The following KDM7A variants were observed in gnomAD, a reference collection of about 807,000 sequenced individuals.
The protein encoded by KDM7A is lysine-specific demethylase 7A.
A neutral mutation model predicts 114.8 loss-of-function variants in KDM7A; 28 were observed. The observed-to-expected ratio is 0.24, with a 90% confidence interval of 0.18 to 0.33. KDM7A has a LOEUF of 0.33. Among genes scored for constraint, KDM7A ranks in the 10% least tolerant of loss-of-function variants. KDM7A has a pLI of 1.00. For missense variants in KDM7A, 942 were observed against 1,142.5 expected, an observed-to-expected ratio of 0.82 and a Z score of 2.53; for synonymous variants, 423 against 397.8, an observed-to-expected ratio of 1.06 and a Z score of -0.75.
At chr7:140,127,417 A>C in intron 5 of KDM7A, 25 bp downstream of exon 5, 1 of 1,598,126 alleles carries the variant, frequency 6.3e-7, no homozygotes, top group Non-Finnish European at 8.5e-7. Context: ...CAGAATGCTA[A>C]ACCAAAATAC....
intron 14 of KDM7A, 123 bp from the exon 15 acceptor site, chr7:140,097,765 C>T (rs1441682866): frequency 1.1e-5 from 6 of 569,432 alleles, no homozygotes; most frequent in African/African-American, 3.8e-5. Flanking sequence ...GCTCTACCCT[C>T]CTTTTTCACT....
At chr7:140,144,749 A>G (rs1324467071) in intron 1 of KDM7A, among the ~76,000 whole-genome samples, 1 of 151,588 alleles carries the variant, frequency 6.6e-6, no homozygotes, top group Non-Finnish European at 1.5e-5. Flanking sequence ...CCTCATGCTG[A>G]AACGTAATCC....
At chr7:140,104,833 G>A (rs1245119460) in intron 11 of KDM7A, among the ~76,000 whole-genome samples, 1 of 152,182 alleles carries the variant, frequency 6.6e-6, no homozygotes, top group Non-Finnish European at 1.5e-5. Flanking sequence ...TGTGAAGAAA[G>A]TCATTGGTAG....
At chr7:140,129,931 G>A (rs1438054189) in intron 3 of KDM7A, among the ~76,000 whole-genome samples, 3 of 152,136 alleles carry the variant, frequency 2.0e-5, no homozygotes, top group Non-Finnish European at 4.4e-5. Context: ...CCAGTTTATA[G>A]TAAAATATGT....
At chr7:140,152,457 C>G (rs531005517) in intron 1 of KDM7A, among the ~76,000 whole-genome samples, 1 of 151,942 alleles carries the variant, frequency 6.6e-6, no homozygotes, top group Non-Finnish European at 1.5e-5. Flanking sequence ...AAACCCAACT[C>G]TACTAAAAAT....
At chr7:140,116,754 T>C (rs932607285) in intron 9 of KDM7A, among the ~76,000 whole-genome samples, 6 of 152,160 alleles carry the variant, frequency 3.9e-5, no homozygotes, top group Non-Finnish European at 8.8e-5. Flanking sequence ...TTTAATCAAA[T>C]TGTGATAATC....
intron 1 of KDM7A, among the ~76,000 whole-genome samples, chr7:140,161,350 CCT>C (rs934940358): frequency 7.2e-5 from 11 of 152,156 alleles, no homozygotes; most frequent in African/African-American, 7.2e-5. Context: ...CCAGAAAGCC[CCT>C]GTTTCAAGGA....
Position 140,101,928 on chromosome 7 carries a change from T to A in KDM7A, c.1638+23A>T. On this transcript the variant is annotated intron_variant, in intron 12 of 19. Transcript: ENST00000397560. ...TAAGGAACAGCCAAGTTTCTTTTTG[T>A]TGTCATGAAACATAATACTTGCCTC... 3 of 1,519,036 alleles carry A rather than the reference T, an allele frequency of 2.0e-6. No homozygotes were observed. In the South Asian group the frequency reaches 3.4e-5, roughly 17 times the overall value. 94.1% of individuals were successfully genotyped at this position (1,519,036 alleles called of 1,614,324 possible). A position where few individuals can be genotyped will look rare whatever the true frequency, so the allele number is the denominator to read the frequency against.
At chr7:140,142,351 G>A (rs1178389380) in intron 1 of KDM7A, among the ~76,000 whole-genome samples, 1 of 150,448 alleles carries the variant, frequency 6.6e-6, no homozygotes. Context: ...CAGAGTAGCA[G>A]AAGACATTAC....
Position 140,096,578 on chromosome 7 carries a change from C to A in KDM7A, c.2351G>T (p.Arg784Leu). 3 of 1,613,968 alleles carry A rather than the reference C, an allele frequency of 1.9e-6. No individual in the cohort carries two copies. The highest frequency in any genetic ancestry group is 2.5e-6 in the Non-Finnish European group (3 of 1,179,854). Residue 784 changes from arginine to leucine, a missense_variant, in exon 17 of 20, where the codon CGC (arginine) becomes CTC (leucine). Transcript: ENST00000397560. ...GSNHEVRQLY[R>L]YDKPVECGYH... is the part of the protein sequence containing the mutation. ...ACCACATTCCACTGGTTTATCATAG[C>A]GATACAACTGCCTAACCTCATGGTT...
intron 9 of KDM7A, among the ~76,000 whole-genome samples, chr7:140,114,899 C>T (rs1818495238): frequency 6.7e-6 from 1 of 149,810 alleles, no homozygotes; most frequent in Non-Finnish European, 1.5e-5. Flanking sequence ...GCCCGGAAGC[C>T]GCCCCGTCTG....
intron 1 of KDM7A, among the ~76,000 whole-genome samples, chr7:140,149,820 T>C (rs999290209): frequency 2.0e-5 from 3 of 152,194 alleles, no homozygotes; most frequent in Non-Finnish European, 4.4e-5. Context: ...TGATAAATAG[T>C]ATCAATTTCA....
chr7:140,098,261 A>C (rs1585138018), intron 14 of KDM7A, among the ~76,000 whole-genome samples: 1 of 152,250 alleles, frequency 6.6e-6, no homozygotes, highest in African/African-American at 2.4e-5. Flanking sequence ...GTCAAGTACC[A>C]AAGTATATAT....
chr7:140,139,259 G>A, intron 1 of KDM7A, 69 bp from the exon 2 acceptor site: 1 of 1,047,284 alleles, frequency 9.5e-7, no homozygotes, highest in Non-Finnish European at 1.5e-6. Context: ...TAATACAGTG[G>A]TTGGAATTTA....
chr7:140,099,852 AC>A, intron 13 of KDM7A, 46 bp downstream of exon 13: 1 of 1,563,174 alleles, frequency 6.4e-7, no homozygotes, highest in Middle Eastern at 1.7e-4. Context: ...AACAAAGGGA[AC>A]CCAATGAAAA....
At chr7:140,166,285 T>G (rs148117485) in intron 1 of KDM7A, among the ~76,000 whole-genome samples, 2 of 151,576 alleles carry the variant, frequency 1.3e-5, no homozygotes, top group Non-Finnish European at 2.9e-5. Context: ...AAACTCAACA[T>G]CCATTCATGA....
At chr7:140,093,603 G>A (rs1033878843) in intron 18 of KDM7A, among the ~76,000 whole-genome samples, 1 of 151,994 alleles carries the variant, frequency 6.6e-6, no homozygotes, top group South Asian at 2.1e-4. Flanking sequence ...TGCTATTTTG[G>A]GTTCATTTGA....
At chr7:140,143,422 T>C (rs1047873167) in intron 1 of KDM7A, among the ~76,000 whole-genome samples, 1 of 152,176 alleles carries the variant, frequency 6.6e-6, no homozygotes, top group African/African-American at 2.4e-5. Flanking sequence ...TTTATAATTA[T>C]TGATTAAACT....
chr7:140,125,134 G>A (rs1422400398), intron 6 of KDM7A, among the ~76,000 whole-genome samples: 2 of 152,124 alleles, frequency 1.3e-5, no homozygotes, highest in African/African-American at 2.4e-5. Context: ...TGCAAGCTTT[G>A]CCCTTTCTAC....
Sources: gnomAD v4.1 joint callset for allele counts (sites outside exome capture counted in the v4.1 genomes callset) on GRCh38, gnomAD v4.1.1 for gene constraint, MANE v1.5 for transcripts, NCBI Gene and HGNC (gene_info 2026-07-23, HGNC 2026-07-21) for gene names.